Variants in NHS observed in about 807,000 individuals in gnomAD.
NHS encodes actin remodeling regulator NHS.
In NHS, 5 loss-of-function variants were observed where a neutral mutation model predicts 72.5. The observed-to-expected ratio is 0.07, with a 90% CI of 0.04 to 0.14. NHS has a LOEUF of 0.14. NHS is among the 10% of genes least tolerant of loss of function. NHS has a pLI of 1.00. For synonymous variants in NHS, 464 were observed against 547.7 expected, an observed-to-expected ratio of 0.85 and a Z score of 2.13; for missense variants, 1,072 against 1,355.7, an observed-to-expected ratio of 0.79 and a Z score of 3.29.
intron 1 of NHS, among the ~76,000 whole-genome samples, chrX:17,553,636 A>G (rs1308808550): frequency 9.0e-6 from 1 of 111,409 alleles, no homozygotes; most frequent in Non-Finnish European, 1.9e-5. Flanking sequence ...GTGAAAAAAA[A>G]CCAACTACAA....
At chrX:17,495,581 G>T (rs1693710036) in intron 1 of NHS, among the ~76,000 whole-genome samples, 1 of 111,790 alleles carries the variant, frequency 8.9e-6, no homozygotes, top group African/African-American at 3.3e-5. Flanking sequence ...GCTTAGGAAG[G>T]TTGTATAAAT....
At chrX:17,467,085 G>A (rs9887234) in intron 1 of NHS, among the ~76,000 whole-genome samples, 22,018 of 110,713 alleles carry the variant, frequency 0.2, 2,047 homozygotes, top group South Asian at 0.45. Context: ...CCTCAGACAT[G>A]GTAAGAAGAA....
intron 1 of NHS, among the ~76,000 whole-genome samples, chrX:17,558,192 T>C (rs1182011411): frequency 9.0e-6 from 1 of 111,519 alleles, no homozygotes; most frequent in Non-Finnish European, 1.9e-5. Flanking sequence ...TATTTAAAGG[T>C]GAATTAGAAC....
chrX:17,626,731 G>A (rs1274161312), intron 1 of NHS, among the ~76,000 whole-genome samples: 1 of 112,163 alleles, frequency 8.9e-6, no homozygotes, highest in East Asian at 2.8e-4. Flanking sequence ...ATTCTAAGCC[G>A]AAAATGCAGC....
chrX:17,616,661 T>G lies in NHS; in HGVS notation c.566-71081T>G, dbSNP rs746542367. Among the ~76,000 whole-genome samples the G allele has an allele frequency of 3.5e-5, 4 of 112,730 alleles. No individual in the cohort carries two copies. In the East Asian group the frequency reaches 1.1e-3, roughly 31 times the overall value. The stretch of plus-strand genomic sequence containing the variant: ...GCATCTTAATTCAAATGCTTAATTT[T>G]CATCAGAAATACTTGATATGTATTT... On this transcript the variant is annotated intron_variant, in intron 1 of 8. Transcript: ENST00000676302.
chrX:17,672,926 A>T (rs891661605), intron 1 of NHS, among the ~76,000 whole-genome samples: 1 of 111,281 alleles, frequency 9.0e-6, no homozygotes, highest in African/African-American at 3.3e-5. Flanking sequence ...TCAATGAATG[A>T]ATGAACCAAC....
chrX:17,637,369 G>A (rs532109339), intron 1 of NHS, among the ~76,000 whole-genome samples: 1 of 111,768 alleles, frequency 8.9e-6, no homozygotes, highest in African/African-American at 3.3e-5. Flanking sequence ...CCTATACGTG[G>A]CTGACAGACC....
intron 1 of NHS, among the ~76,000 whole-genome samples, chrX:17,580,181 GAA>G (rs57418330): frequency 0.063 from 6,177 of 98,176 alleles, 427 homozygotes; most frequent in African/African-American, 0.21. Flanking sequence ...CCAAATGCCA[GAA>G]AAAAAAAAAA....
At chrX:17,636,654 C>A (rs1429454962) in intron 1 of NHS, among the ~76,000 whole-genome samples, 4 of 112,089 alleles carry the variant, frequency 3.6e-5, no homozygotes, top group Non-Finnish European at 7.5e-5. Context: ...CTACCAACAC[C>A]GTGTATGCAG....
chrX:17,705,772 G>C (rs2066291663), intron 3 of NHS: 1 of 112,233 alleles, frequency 8.9e-6, no homozygotes, highest in Non-Finnish European at 1.9e-5. Context: ...GTGATGCATT[G>C]AGATAACACT....
At chrX:17,627,135 ATGT>A (rs2065801426) in intron 1 of NHS, among the ~76,000 whole-genome samples, 1 of 112,028 alleles carries the variant, frequency 8.9e-6, no homozygotes, top group Admixed American at 9.5e-5. Flanking sequence ...CATTCTCCTA[ATGT>A]TGGACTCAAC....
intron 1 of NHS, among the ~76,000 whole-genome samples, chrX:17,510,993 T>G (rs2065084679): frequency 8.9e-6 from 1 of 112,204 alleles, no homozygotes; most frequent in Non-Finnish European, 1.9e-5. Flanking sequence ...ACTGGCTGGC[T>G]GCAGAATTCC....
chrX:17,598,198 CTT>C (rs1313093957), intron 1 of NHS, among the ~76,000 whole-genome samples: 1 of 111,320 alleles, frequency 9.0e-6, no homozygotes, highest in Admixed American at 9.5e-5. Context: ...TGGGCGGACT[CTT>C]TTGTGGCAGT....
intron 1 of NHS, among the ~76,000 whole-genome samples, chrX:17,685,470 T>C (rs1480418460): frequency 8.9e-6 from 1 of 111,764 alleles, no homozygotes; most frequent in Non-Finnish European, 1.9e-5. Flanking sequence ...CATTACTCTT[T>C]GTATCTGTGA....
chrX:17,503,692 TA>T (rs1237027146), intron 1 of NHS, among the ~76,000 whole-genome samples: 1 of 112,014 alleles, frequency 8.9e-6, no homozygotes. Flanking sequence ...TTGAAATGTA[TA>T]ACTTCTGAAT....
intron 3 of NHS, among the ~76,000 whole-genome samples, chrX:17,695,944 G>A (rs1472782173): frequency 7.3e-5 from 6 of 82,260 alleles, no homozygotes; most frequent in Admixed American, 2.3e-4. Flanking sequence ...AAAAAAAAAG[G>A]GGGGGGGTAT....
In NHS at chrX:17,561,572, G is replaced by GCA. The variant is rs1304131940; in HGVS notation, c.566-126169_566-126168insAC. Among the ~76,000 whole-genome samples, 283 of 60,224 alleles carry GCA rather than the reference G, an allele frequency of 4.7e-3. 2 individuals carry two copies. The highest frequency in any genetic ancestry group is 0.016 in the African/African-American group (226 of 13,953). The allele number at this position is 60,224 out of a possible 115,157, so 52.3% of individuals were successfully genotyped here. The stretch of plus-strand genomic sequence containing the variant: ...TGCAAGTGCATGCGCGCGCGCGCGC[G>GCA]CGCACACACACACACACACACACAC... On this transcript the variant is annotated intron_variant, in intron 1 of 8. Coordinates refer to ENST00000676302, the MANE Select transcript of NHS (RefSeq NM_001291867.2).
In NHS at chrX:17,400,064, C is replaced by A. The variant is rs144819891; in HGVS notation, c.565+23742C>A. Reference sequence around the variant, plus strand: ...TTTAATATTATGCTGCAGATTCTAGCCAGAGCAATTGGAAGAAAAAGAAAT... The same window carrying A: ...TTTAATATTATGCTGCAGATTCTAGACAGAGCAATTGGAAGAAAAAGAAAT... On this transcript the variant is annotated intron_variant, in intron 1 of 8. Coordinates refer to ENST00000676302, the MANE Select transcript of NHS (RefSeq NM_001291867.2). Among the ~76,000 whole-genome samples the A allele has an allele frequency of 6.3e-3, 695 of 111,069 alleles. 10 individuals are homozygous for A. The highest frequency in any genetic ancestry group is 0.022 in the African/African-American group (665 of 30,519).
intron 1 of NHS, among the ~76,000 whole-genome samples, chrX:17,457,153 C>A (rs2064828828): frequency 8.9e-6 from 1 of 112,212 alleles, no homozygotes; most frequent in African/African-American, 3.2e-5. Context: ...TGATTCTAGC[C>A]TTGTGATGGC....
Sources: allele counts gnomAD v4.1 joint callset (sites outside exome capture counted in the v4.1 genomes callset), GRCh38; gene constraint gnomAD v4.1.1; transcripts MANE v1.5; gene names NCBI Gene and HGNC (gene_info 2026-07-23, HGNC 2026-07-21).